DRGX: variants seen among roughly 807,000 people sequenced by gnomAD.
The protein encoded by DRGX is dorsal root ganglia homeobox protein.
Under a neutral mutation model 28.6 loss-of-function variants are expected in DRGX, and 21 were observed. The ratio of observed to expected loss-of-function variants is 0.73; its 90% CI spans 0.52 to 1.06. The LOEUF is 1.06. DRGX is among the 50% of genes least tolerant of loss of function. The pLI is 0.00. For missense variants in DRGX, 354 were observed against 343.9 expected (o/e 1.03, Z -0.23); for synonymous variants, 136 against 139.1 (o/e 0.98, Z 0.16).
intron 6 of DRGX, among the ~76,000 whole-genome samples, chr10:49,373,053 A>G (rs1229185264): frequency 1.3e-5 from 2 of 152,244 alleles, no homozygotes; most frequent in African/African-American, 4.8e-5. Context: ...GGAACAATAA[A>G]GAGAAGATAA....
chr10:49,373,999 T>A (rs1849691342), intron 6 of DRGX, among the ~76,000 whole-genome samples: 1 of 152,238 alleles, frequency 6.6e-6, no homozygotes, highest in South Asian at 2.1e-4. Context: ...TATATATTCA[T>A]AAATGACATT....
intron 2 of DRGX, among the ~76,000 whole-genome samples, chr10:49,394,070 A>G (rs1459665372): frequency 1.3e-5 from 2 of 152,152 alleles, no homozygotes; most frequent in African/African-American, 4.8e-5. Flanking sequence ...AGTCTCCCTC[A>G]TCCCCTAGGG....
chr10:49,364,622 T>C lies in DRGX; in HGVS notation c.*1494A>G, dbSNP rs1047588722. 1.3e-5 allele frequency: 2 copies of C among 152,154 alleles called. No individual in the cohort carries two copies. Among genetic ancestry groups the C allele is most frequent in the Non-Finnish European group, 2.9e-5 (2 of 68,036 alleles). 9.4% of individuals were successfully genotyped at this position (152,154 alleles called of 1,614,324 possible). ...CTTTGCCGCTTTTTGGCAAATCGTT[T>C]CATCTTTATACTCAACAAGCAAAAT... is the stretch of plus-strand genomic sequence containing the variant. On this transcript the variant is annotated 3_prime_UTR_variant, in exon 7 of 7. Coordinates refer to ENST00000374139, the MANE Select transcript of DRGX (RefSeq NM_001276451.2).
chr10:49,391,894 G>A (rs181968833), intron 2 of DRGX: 208 of 510,788 alleles, frequency 4.1e-4, no homozygotes, highest in African/African-American at 3.2e-3. Context: ...CAATTAACAA[G>A]AGATCTGCAC....
At chr10:49,369,156 G>T (rs1849629026) in intron 6 of DRGX, among the ~76,000 whole-genome samples, 1 of 152,194 alleles carries the variant, frequency 6.6e-6, no homozygotes, top group Non-Finnish European at 1.5e-5. Flanking sequence ...ACAGCTGCTA[G>T]GTCACACCTG....
Position 49,366,202 on chromosome 10 carries a change from G to A in DRGX, c.706C>T (p.Pro236Ser). 6.2e-7 allele frequency: 1 copy of A among 1,613,686 alleles called. No homozygotes were observed. ...TCTGGGGGCGCCGGCTTGGCGACAG[G>A]GCCGGGGCTGCTGCTGGTGGAAGGC... ...LLPSTSSSPG[P>S]VAKPAPPDGS... The change falls in exon 7 of 7, where the codon CCT (proline) becomes TCT (serine). Residue 236 changes from proline to serine, a missense_variant. Coordinates refer to ENST00000374139, the MANE Select transcript of DRGX (RefSeq NM_001276451.2).
chr10:49,366,850 CT>C (rs1418592874), intron 6 of DRGX, among the ~76,000 whole-genome samples: 1 of 152,232 alleles, frequency 6.6e-6, no homozygotes, highest in Non-Finnish European at 1.5e-5. Flanking sequence ...AAGCTGCTGG[CT>C]GCAGGCAGTT....
At chr10:49,391,287 G>A (rs760624043) in intron 2 of DRGX, 26 bp from the exon 3 acceptor site, 42 of 1,596,932 alleles carry the variant, frequency 2.6e-5, no homozygotes, top group Non-Finnish European at 3.6e-5. Flanking sequence ...TGATCAACCT[G>A]GGCAGGAAGG....
chr10:49,386,322 T>G (rs912467), intron 6 of DRGX, among the ~76,000 whole-genome samples, 156 bp downstream of exon 6: 15,252 of 152,120 alleles, frequency 0.1, 960 homozygotes, highest in Admixed American at 0.14. Flanking sequence ...AAGATAGCAC[T>G]GGACAGCACC....
rs111635377 is a variant in DRGX at position 49,395,587 on chromosome 10, C to A, written c.-81-66G>T. The A allele has an allele frequency of 1.4e-4, 131 of 921,050 alleles. 1 individual carries two copies. Among genetic ancestry groups the A allele is most frequent in the Admixed American group, 3.7e-4 (17 of 46,428 alleles). The allele number at this position is 921,050 out of a possible 1,614,324, so 57.1% of individuals were successfully genotyped here. On this transcript the variant is annotated intron_variant, in intron 1 of 6. Coordinates refer to ENST00000374139, the MANE Select transcript of DRGX (RefSeq NM_001276451.2). ...CCAGCGCTCCCGCCCAGCCCTAGGG[C>A]GCACCCGGCGCTCCCCTCCTGGAAA...
chr10:49,395,335 C>T (rs907078728), intron 2 of DRGX, 72 bp downstream of exon 2: 1 of 1,537,700 alleles, frequency 6.5e-7, no homozygotes. Flanking sequence ...CACCCACCAG[C>T]CCTGCTGCCG....
At chr10:49,375,535 G>T (rs1267933423) in intron 6 of DRGX, among the ~76,000 whole-genome samples, 2 of 152,190 alleles carry the variant, frequency 1.3e-5, no homozygotes, top group African/African-American at 2.4e-5. Context: ...TTTGGAAGGG[G>T]TTTTGGTGGA....
chr10:49,389,583 C>T (rs1396200394), intron 4 of DRGX, among the ~76,000 whole-genome samples: 2 of 152,128 alleles, frequency 1.3e-5, no homozygotes, highest in Admixed American at 6.5e-5. Context: ...AGACGGTCAC[C>T]GCGGGCCATA....
At chr10:49,368,798 A>G (rs746777019) in intron 6 of DRGX, among the ~76,000 whole-genome samples, 1 of 152,274 alleles carries the variant, frequency 6.6e-6, no homozygotes, top group Admixed American at 6.5e-5. Flanking sequence ...TCTACAATGA[A>G]AATGAATGTC....
intron 6 of DRGX, among the ~76,000 whole-genome samples, chr10:49,381,697 A>G (rs912471): frequency 0.99 from 151,068 of 152,312 alleles, 74,928 homozygotes; most frequent in Middle Eastern, 1. Flanking sequence ...GGCATTGGGA[A>G]CCCTGCATCG....
chr10:49,392,417 T>C (rs1453931771), intron 2 of DRGX, among the ~76,000 whole-genome samples: 1 of 152,240 alleles, frequency 6.6e-6, no homozygotes, highest in Non-Finnish European at 1.5e-5. Flanking sequence ...CCTTCCATCT[T>C]CCTGTCCAAA....
At position 49,377,323 on chromosome 10, in the gene DRGX, G is replaced by A. The variant is rs185533329; in HGVS notation, c.526+9155C>T. 6.3e-4 allele frequency among the ~76,000 whole-genome samples: 96 copies of A among 152,342 alleles called. 1 individual carries two copies. The highest frequency in any genetic ancestry group is 2.3e-3 in the African/African-American group (94 of 41,584). On this transcript the variant is annotated intron_variant, in intron 6 of 6. Coordinates refer to ENST00000374139, the MANE Select transcript of DRGX (RefSeq NM_001276451.2). ...CCTTAAAGTATAAATAGTCCCAACT[G>A]GAAGTACGGGTGGTCAACAACAAAC...
chr10:49,378,585 T>C (rs991657764), intron 6 of DRGX, among the ~76,000 whole-genome samples: 21 of 152,370 alleles, frequency 1.4e-4, no homozygotes, highest in Admixed American at 2.6e-4. Flanking sequence ...CAATAAAGCT[T>C]TAAAAACATT....
At chr10:49,386,392 C>T (rs114140776) in intron 6 of DRGX, 86 bp downstream of exon 6, 204 of 1,241,908 alleles carry the variant, frequency 1.6e-4, no homozygotes, top group African/African-American at 8.7e-4. Context: ...GGTGCAAGGA[C>T]GGCCGAGCCA....
Sources: allele counts gnomAD v4.1 joint callset (sites outside exome capture counted in the v4.1 genomes callset), GRCh38; gene constraint gnomAD v4.1.1; transcripts MANE v1.5; gene names NCBI Gene and HGNC (gene_info 2026-07-23, HGNC 2026-07-21).